Variants in KLHL4 observed in about 807,000 individuals in gnomAD.
KLHL4 encodes the protein kelch-like protein 4.
Under a neutral mutation model 45.8 loss-of-function variants are expected in KLHL4, and 17 were observed. That is an observed-to-expected ratio of 0.37 (90% CI 0.25 to 0.56). The LOEUF is 0.56. Ranked by LOEUF, KLHL4 falls within the 20% of genes least tolerant of loss-of-function variation. KLHL4 has a pLI of 0.79. For synonymous variants in KLHL4, 224 were observed against 189.9 expected (o/e 1.18, Z -1.47); for missense variants, 544 against 544.9 (o/e 1.00, Z 0.02).
At chrX:87,621,508 G>T (rs1224469313) in intron 4 of KLHL4, among the ~76,000 whole-genome samples, 9 of 75,240 alleles carry the variant, frequency 1.2e-4, no homozygotes, top group African/African-American at 4.3e-4. Flanking sequence ...TTTTTGAGAA[G>T]GAGCTTCACT....
intron 1 of KLHL4, among the ~76,000 whole-genome samples, chrX:87,574,080 G>A (rs1036620365): frequency 2.7e-5 from 3 of 111,650 alleles, no homozygotes; most frequent in African/African-American, 9.7e-5. Flanking sequence ...TTATCACCTT[G>A]GAGGGAAGCA....
chrX:87,618,948 TG>T (rs1450492592), intron 4 of KLHL4, among the ~76,000 whole-genome samples: 1 of 111,971 alleles, frequency 8.9e-6, no homozygotes, highest in Non-Finnish European at 1.9e-5. Flanking sequence ...TGTTCATAGG[TG>T]GTAATTATTT....
At chrX:87,567,056 C>G (rs2147787988) in intron 1 of KLHL4, among the ~76,000 whole-genome samples, 1 of 110,974 alleles carries the variant, frequency 9.0e-6, no homozygotes, top group South Asian at 3.8e-4. Flanking sequence ...TACCCCTGAA[C>G]TTAAAATAGA....
chrX:87,668,805 CAAG>C lies in KLHL4; in HGVS notation c.*2275_*2277del, dbSNP rs1924468233. On this transcript the variant is annotated 3_prime_UTR_variant, in exon 11 of 11. Transcript: ENST00000373119. Reference sequence around the variant, plus strand: ...GGACTTACCTGACAGCTCTTACCAACAAGAAGGCCATCCCAGATATGGCCTCTC... The same window carrying C: ...GGACTTACCTGACAGCTCTTACCAACAAGGCCATCCCAGATATGGCCTCTC... 4.0e-6 allele frequency: 1 copy of C among 252,963 alleles called. No homozygotes were observed. The highest frequency in any genetic ancestry group is 1.9e-4 in the South Asian group (1 of 5,130). The allele number at this position is 252,963 out of a possible 1,213,427, so 20.8% of individuals were successfully genotyped here.
At chrX:87,633,123 A>G (rs988692649) in intron 7 of KLHL4, among the ~76,000 whole-genome samples, 7 of 111,708 alleles carry the variant, frequency 6.3e-5, no homozygotes, top group African/African-American at 2.3e-4. Context: ...GATATTAGCA[A>G]ATAGGTAGGA....
At chrX:87,616,028 G>A (rs1922544344) in intron 3 of KLHL4, among the ~76,000 whole-genome samples, 1 of 111,388 alleles carries the variant, frequency 9.0e-6, no homozygotes, top group Non-Finnish European at 1.9e-5. Context: ...TTGTTCCTAT[G>A]CCACAACCCC....
At position 87,651,274 on chromosome X, in the gene KLHL4, G is replaced by A. The variant is rs778751031; in HGVS notation, c.1926-13490G>A. 5.4e-5 allele frequency among the ~76,000 whole-genome samples: 6 copies of A among 111,014 alleles called. No homozygotes were observed. In the South Asian group the frequency reaches 1.5e-3, roughly 28 times the overall value. On this transcript the variant is annotated intron_variant, in intron 9 of 10. Coordinates refer to ENST00000373119, the MANE Select transcript of KLHL4 (RefSeq NM_019117.5). Reference sequence around the variant, plus strand: ...ACAATTCAAGATGAGATTTGAGTGGGGACACAGCCAAACCATATCATTCTA... The same window carrying A: ...ACAATTCAAGATGAGATTTGAGTGGAGACACAGCCAAACCATATCATTCTA...
At chrX:87,550,104 T>A (rs1431588885) in intron 1 of KLHL4, among the ~76,000 whole-genome samples, 1 of 110,897 alleles carries the variant, frequency 9.0e-6, no homozygotes, top group Non-Finnish European at 1.9e-5. Context: ...ATTCAACAGA[T>A]CATTAGTGGC....
intron 1 of KLHL4, among the ~76,000 whole-genome samples, chrX:87,577,182 T>G (rs1477572137): frequency 2.7e-5 from 3 of 112,098 alleles, no homozygotes; most frequent in Non-Finnish European, 5.6e-5. Flanking sequence ...CAGGTTATGC[T>G]AAAACATTAA....
Position 87,518,559 on chromosome X carries a change from G to T in KLHL4, c.422+244G>T, listed in dbSNP as rs1275871426. Reference sequence around the variant, plus strand: ...AGTTTACTTCTCCTATTTTCATTAAGAATTCTGTTTCAATTCTAAGAGATG... The same window carrying T: ...AGTTTACTTCTCCTATTTTCATTAATAATTCTGTTTCAATTCTAAGAGATG... On this transcript the variant is annotated intron_variant, in intron 1 of 10. Coordinates refer to ENST00000373119, the MANE Select transcript of KLHL4 (RefSeq NM_019117.5). Among the ~76,000 whole-genome samples, 6 of 111,631 alleles carry T rather than the reference G, an allele frequency of 5.4e-5. No individual in the cohort carries two copies. In the South Asian group the frequency reaches 1.9e-3, roughly 35 times the overall value.
intron 1 of KLHL4, among the ~76,000 whole-genome samples, chrX:87,592,292 G>T (rs1211441168): frequency 3.6e-5 from 4 of 111,510 alleles, no homozygotes; most frequent in Non-Finnish European, 7.5e-5. Flanking sequence ...TTCAAATCTT[G>T]GCTATTGTGA....
At chrX:87,579,465 A>G (rs1921205117) in intron 1 of KLHL4, among the ~76,000 whole-genome samples, 1 of 111,647 alleles carries the variant, frequency 9.0e-6, no homozygotes, top group Admixed American at 9.6e-5. Flanking sequence ...AAATTTGCCA[A>G]ATCTGAAGAG....
At chrX:87,581,721 A>C (rs1045679052) in intron 1 of KLHL4, among the ~76,000 whole-genome samples, 1 of 112,159 alleles carries the variant, frequency 8.9e-6, no homozygotes, top group African/African-American at 3.2e-5. Flanking sequence ...AATCTCAAAA[A>C]CAGAAGGTAG....
intron 1 of KLHL4, among the ~76,000 whole-genome samples, chrX:87,530,680 T>C (rs1931245037): frequency 9.4e-6 from 1 of 106,480 alleles, no homozygotes; most frequent in Admixed American, 1.0e-4. Context: ...TTCTTGGACA[T>C]TTGGGTTGGT....
chrX:87,554,451 T>G (rs1469561711), intron 1 of KLHL4, among the ~76,000 whole-genome samples: 2 of 91,133 alleles, frequency 2.2e-5, no homozygotes, highest in Non-Finnish European at 4.2e-5. Context: ...GTAAGTTGGA[T>G]TCCTAGGTAT....
intron 1 of KLHL4, among the ~76,000 whole-genome samples, chrX:87,548,197 T>G (rs1013051353): frequency 9.0e-6 from 1 of 111,268 alleles, no homozygotes; most frequent in Admixed American, 9.5e-5. Context: ...CAGGAGAGAG[T>G]GGCATGGCAT....
intron 2 of KLHL4, 132 bp from the exon 3 acceptor site, chrX:87,614,302 C>A: frequency 6.1e-6 from 4 of 654,158 alleles, no homozygotes; most frequent in Non-Finnish European, 9.2e-6. Context: ...AACTTCACTA[C>A]ATTTAACTGA....
intron 6 of KLHL4, among the ~76,000 whole-genome samples, chrX:87,628,199 G>A (rs778307854): frequency 5.6e-4 from 62 of 111,511 alleles, no homozygotes; most frequent in Non-Finnish European, 9.4e-4. Flanking sequence ...TAATGTTACC[G>A]TTACTTTGCA....
intron 1 of KLHL4, among the ~76,000 whole-genome samples, chrX:87,519,849 T>G (rs927848669): frequency 5.3e-5 from 6 of 112,221 alleles, no homozygotes; most frequent in Non-Finnish European, 1.9e-5. Context: ...GGAACAAAAT[T>G]ATTTGAGAAT....
Sources: allele counts gnomAD v4.1 joint callset (sites outside exome capture counted in the v4.1 genomes callset), GRCh38; gene constraint gnomAD v4.1.1; transcripts MANE v1.5; gene names NCBI Gene and HGNC (gene_info 2026-07-23, HGNC 2026-07-21).